Variants in LPGAT1 observed in about 807,000 individuals in gnomAD.
LPGAT1 encodes the protein lysophosphatidylglycerol acyltransferase 1, also known as acyl-CoA:lysophosphatidylglycerol acyltransferase 1.
LPGAT1 carries 11 observed loss-of-function variants against 47.5 expected under a neutral mutation model. That is an observed-to-expected ratio of 0.23 (90% CI 0.15 to 0.38). The LOEUF (loss-of-function observed/expected upper bound fraction) is 0.38. LPGAT1 is among the 10% of genes least tolerant of loss of function. The probability of loss-of-function intolerance (pLI) is 1.00; values close to 1 mark genes in which losing one functional copy is unlikely to be tolerated. For synonymous variants in LPGAT1, 138 were observed against 144.2 expected, an observed-to-expected ratio of 0.96 and a Z score of 0.31; for missense variants, 293 against 439.0, an observed-to-expected ratio of 0.67 and a Z score of 2.97.
At chr1:211,816,265 T>C (rs957860595) in intron 2 of LPGAT1, among the ~76,000 whole-genome samples, 1 of 152,176 alleles carries the variant, frequency 6.6e-6, no homozygotes, top group African/African-American at 2.4e-5. Flanking sequence ...GTGGTTATGA[T>C]GTGACTCCTG....
At chr1:211,785,844 C>G (rs1558267973) in intron 4 of LPGAT1, among the ~76,000 whole-genome samples, 1 of 151,948 alleles carries the variant, frequency 6.6e-6, no homozygotes, top group Non-Finnish European at 1.5e-5. Flanking sequence ...TGGCCTCAAG[C>G]AATCTGTCCA....
At chr1:211,805,546 T>C (rs997466226) in intron 2 of LPGAT1, among the ~76,000 whole-genome samples, 1 of 152,088 alleles carries the variant, frequency 6.6e-6, no homozygotes, top group Non-Finnish European at 1.5e-5. Context: ...AACTATAAAT[T>C]TGACAACTTA....
At position 211,787,706 on chromosome 1, in the gene LPGAT1, A is replaced by G; in HGVS notation, c.379T>C (p.Leu127=). Residue 127 remains leucine (L), a synonymous_variant, in exon 4 of 8, where the codon TTG becomes CTG. Transcript: ENST00000366997. ...GTGTACTTAAAAATATGATCCATCA[A>G]CCACATCATCTGAGCAACAACCTAA... ...KGLVVAQMMW[L]MDHIFKYTNF... is the part of the protein sequence containing the mutation. The G allele has an allele frequency of 6.2e-7, 1 of 1,607,198 alleles. No homozygotes were observed. The highest frequency in any genetic ancestry group is 1.1e-5 in the South Asian group (1 of 90,116).
chr1:211,821,647 A>G (rs1660372334), intron 2 of LPGAT1, among the ~76,000 whole-genome samples: 1 of 152,214 alleles, frequency 6.6e-6, no homozygotes, highest in Admixed American at 6.5e-5. Flanking sequence ...AATAGCACAG[A>G]TGTATACGCT....
rs900965286 is a variant in LPGAT1 at position 211,748,808 on chromosome 1, T to A, written c.*1091A>T. The A allele has an allele frequency of 3.9e-5, 6 of 152,682 alleles. No homozygotes were observed. Among genetic ancestry groups the A allele is most frequent in the African/African-American group, 1.4e-4 (6 of 41,476 alleles). The allele number at this position is 152,682 out of a possible 1,614,324, so 9.5% of individuals were successfully genotyped here. ...TTGATGTAATGATTCAACAGACTAC[T>A]GTCTGCACAGGTCCTAGGGGTGCCA... On this transcript the variant is annotated 3_prime_UTR_variant, in exon 8 of 8. Coordinates refer to ENST00000366997, the MANE Select transcript of LPGAT1 (RefSeq NM_014873.3).
chr1:211,765,168 T>C (rs568002745), intron 6 of LPGAT1, among the ~76,000 whole-genome samples: 1 of 152,334 alleles, frequency 6.6e-6, no homozygotes, highest in South Asian at 2.1e-4. Flanking sequence ...TAACGATGTT[T>C]TTAAACTTTT....
chr1:211,785,282 T>C (rs565063112), intron 4 of LPGAT1, among the ~76,000 whole-genome samples: 1 of 152,314 alleles, frequency 6.6e-6, no homozygotes, highest in South Asian at 2.1e-4. Context: ...AAGATAGCTA[T>C]TAAGTTCTCA....
chr1:211,809,562 C>T (rs575618273), intron 2 of LPGAT1, among the ~76,000 whole-genome samples: 64 of 152,164 alleles, frequency 4.2e-4, no homozygotes, highest in Middle Eastern at 6.8e-3. Flanking sequence ...TCCCATGTGT[C>T]GTGGGAGGGA....
At chr1:211,810,774 A>G (rs897762815) in intron 2 of LPGAT1, among the ~76,000 whole-genome samples, 1 of 152,256 alleles carries the variant, frequency 6.6e-6, no homozygotes, top group Non-Finnish European at 1.5e-5. Flanking sequence ...GAGATACAAA[A>G]GACAGCGAGA....
intron 6 of LPGAT1, among the ~76,000 whole-genome samples, chr1:211,770,825 C>T (rs907831814): frequency 7.9e-5 from 12 of 151,966 alleles, no homozygotes; most frequent in Admixed American, 3.9e-4. Context: ...GCCCAGGCAC[C>T]GTGGCTCACA....
At chr1:211,751,537 T>C (rs1657185093) in intron 6 of LPGAT1, among the ~76,000 whole-genome samples, 2 of 152,126 alleles carry the variant, frequency 1.3e-5, no homozygotes, top group African/African-American at 4.8e-5. Context: ...ATATCAGTAG[T>C]ATCAGAGATA....
intron 6 of LPGAT1, among the ~76,000 whole-genome samples, chr1:211,763,520 CAT>C (rs1657789202): frequency 1.3e-5 from 2 of 152,096 alleles, no homozygotes; most frequent in Non-Finnish European, 2.9e-5. Flanking sequence ...TTATAAATTA[CAT>C]AGTCTCAGAT....
In LPGAT1 at chr1:211,777,627, T is replaced by C. The variant is rs368084472; in HGVS notation, c.854+1291A>G. Among the ~76,000 whole-genome samples, 4 of 152,314 alleles carry C rather than the reference T, an allele frequency of 2.6e-5. No individual in the cohort carries two copies. In the East Asian group the frequency reaches 7.7e-4, roughly 29 times the overall value. The stretch of plus-strand genomic sequence containing the variant: ...TACTGTTGTTTATGCAAATGACATA[T>C]TAAAATGTTAAAAATTTAAAAGTGT... On this transcript the variant is annotated intron_variant, in intron 6 of 7. Coordinates refer to ENST00000366997, the MANE Select transcript of LPGAT1 (RefSeq NM_014873.3).
Position 211,747,548 on chromosome 1 carries a change from C to T in LPGAT1, c.*2351G>A, listed in dbSNP as rs560687639. The T allele has an allele frequency of 1.5e-4, 23 of 152,254 alleles. No individual in the cohort carries two copies. Among genetic ancestry groups the T allele is most frequent in the Non-Finnish European group, 2.5e-4 (17 of 68,036 alleles). 9.4% of individuals were successfully genotyped at this position (152,254 alleles called of 1,614,324 possible). A position where few individuals can be genotyped will look rare whatever the true frequency, so the allele number is the denominator to read the frequency against. The stretch of plus-strand genomic sequence containing the variant: ...TCAGCCACATTTATGTATGCATGTT[C>T]GCATTTATTTTTGGATAGGAGAACT... On this transcript the variant is annotated 3_prime_UTR_variant, in exon 8 of 8. Coordinates refer to ENST00000366997, the MANE Select transcript of LPGAT1 (RefSeq NM_014873.3).
chr1:211,822,594 T>TGGA (rs1365138946), intron 2 of LPGAT1, among the ~76,000 whole-genome samples: 5 of 151,876 alleles, frequency 3.3e-5, no homozygotes, highest in African/African-American at 4.8e-5. Context: ...CTGGCAAACA[T>TGGA]GGTGAAACCC....
At chr1:211,822,559 T>C (rs12134985) in intron 2 of LPGAT1, among the ~76,000 whole-genome samples, 10,395 of 152,048 alleles carry the variant, frequency 0.068, 413 homozygotes, top group Non-Finnish European at 0.087. Flanking sequence ...GGTGGATCAC[T>C]TGAGGTCAGG....
At chr1:211,761,956 T>C (rs1402878974) in intron 6 of LPGAT1, among the ~76,000 whole-genome samples, 1 of 152,214 alleles carries the variant, frequency 6.6e-6, no homozygotes. Context: ...TAAAGTTTCC[T>C]CTGGTCTAAG....
chr1:211,767,109 C>G (rs534647145), intron 6 of LPGAT1, among the ~76,000 whole-genome samples: 1 of 152,208 alleles, frequency 6.6e-6, no homozygotes, highest in South Asian at 2.1e-4. Flanking sequence ...TTTCATGTCT[C>G]CATCCTGAAT....
chr1:211,791,777 AAAAAAAAAAC>A (rs1329128242), intron 3 of LPGAT1, among the ~76,000 whole-genome samples: 6 of 150,614 alleles, frequency 4.0e-5, no homozygotes, highest in South Asian at 2.1e-4. Context: ...AAACAAACAA[AAAAAAAAAAC>A]AAAAAAAAAC....
Sources: allele counts gnomAD v4.1 joint callset (sites outside exome capture counted in the v4.1 genomes callset), GRCh38; gene constraint gnomAD v4.1.1; transcripts MANE v1.5; gene names NCBI Gene and HGNC (gene_info 2026-07-23, HGNC 2026-07-21).